Variants in DNAH8 observed in about 807,000 individuals in gnomAD.
The protein encoded by DNAH8 is axonemal beta dynein heavy chain 8.
DNAH8 carries 382 observed loss-of-function variants against 562.1 expected under a neutral mutation model. That is an observed-to-expected ratio of 0.68 (90% CI 0.63 to 0.74). The LOEUF (loss-of-function observed/expected upper bound fraction) is 0.74. Ranked by LOEUF, DNAH8 falls within the 30% of genes least tolerant of loss-of-function variation. The pLI, the probability that DNAH8 is intolerant of heterozygous loss-of-function variation, is 0.00. For synonymous variants in DNAH8, 1,881 were observed against 1,919.4 expected, an observed-to-expected ratio of 0.98 and a Z score of 0.52; for missense variants, 5,203 against 5,620.4, an observed-to-expected ratio of 0.93 and a Z score of 2.37.
chr6:38,871,619 T>C (rs578039504), intron 49 of DNAH8, among the ~76,000 whole-genome samples: 3 of 152,248 alleles, frequency 2.0e-5, no homozygotes, highest in African/African-American at 7.2e-5. Flanking sequence ...GTCAGACCTT[T>C]GACTTCTTAA....
intron 88 of DNAH8, among the ~76,000 whole-genome samples, chr6:38,991,725 A>T (rs1561951992): frequency 6.6e-6 from 1 of 152,000 alleles, no homozygotes; most frequent in Non-Finnish European, 1.5e-5. Flanking sequence ...GCTTCCTGTT[A>T]CTCAGACAGG....
At chr6:38,848,262 T>C (rs1678743) in intron 36 of DNAH8, among the ~76,000 whole-genome samples, 21,313 of 152,138 alleles carry the variant, frequency 0.14, 3,252 homozygotes, top group African/African-American at 0.37. Flanking sequence ...CCAGTAACAG[T>C]GTCTCACATG....
intron 85 of DNAH8, among the ~76,000 whole-genome samples, chr6:38,976,708 A>G (rs1361490926): frequency 6.6e-6 from 1 of 152,220 alleles, no homozygotes; most frequent in African/African-American, 2.4e-5. Flanking sequence ...TGTGGATTAG[A>G]TTGTTTGTGA....
At chr6:38,948,236 A>G (rs1246623391) in intron 80 of DNAH8, among the ~76,000 whole-genome samples, 1 of 152,216 alleles carries the variant, frequency 6.6e-6, no homozygotes, top group Non-Finnish European at 1.5e-5. Flanking sequence ...GTCATAGAGG[A>G]AAAAGTGTAA....
chr6:38,942,784 C>T (rs762664843), intron 79 of DNAH8, among the ~76,000 whole-genome samples: 6 of 152,190 alleles, frequency 3.9e-5, no homozygotes, highest in Non-Finnish European at 7.3e-5. Flanking sequence ...GGGCAGCCTG[C>T]ATACCTGAGG....
chr6:38,781,739 A>G (rs1182614787), intron 16 of DNAH8, among the ~76,000 whole-genome samples: 1 of 152,208 alleles, frequency 6.6e-6, no homozygotes, highest in African/African-American at 2.4e-5. Flanking sequence ...TCACTGATAC[A>G]TACTCAGTGA....
rs755930044 is a variant in DNAH8, at chr6:39,012,572, T to A, written c.13649T>A (p.Phe4550Tyr). The A allele has an allele frequency of 6.2e-7, 1 of 1,614,122 alleles. No individual in the cohort carries two copies. The highest frequency in any genetic ancestry group is 1.1e-5 in the South Asian group (1 of 91,082). The change falls in exon 91 of 93, where the codon TTT becomes TAT. Residue 4550 changes from phenylalanine (F) to tyrosine (Y), a missense_variant. By Grantham distance (22) the Phe-to-Tyr change is conservative (BLOSUM62 3). This residue lies in a region of DNAH8 where 1,399 missense variants were observed against 1,518.4 expected (regional missense o/e 0.92). Transcript: ENST00000327475. ...GAACTTTTGGAAAGAAATGCTCAGT[T>A]TTCTACGTGGATATTTGAAGGGAGG... ...FTELLERNAQ[F>Y]STWIFEGRPN...
intron 37 of DNAH8, 54 bp downstream of exon 37, chr6:38,848,855 A>G: frequency 1.3e-6 from 2 of 1,556,842 alleles, no homozygotes; most frequent in Non-Finnish European, 8.8e-7. Flanking sequence ...TGTTGTCTAT[A>G]TGTCTCTGTA....
chr6:38,918,698 A>G (rs1157695475), intron 70 of DNAH8, among the ~76,000 whole-genome samples: 1 of 152,170 alleles, frequency 6.6e-6, no homozygotes, highest in Non-Finnish European at 1.5e-5. Flanking sequence ...GCTGGGGTCC[A>G]AGCACTCCAT....
rs571667120 is a variant in DNAH8 at position 38,794,615 on chromosome 6, A to G, written c.2901+2941A>G. Among the ~76,000 whole-genome samples, 3 of 152,218 alleles carry G rather than the reference A, an allele frequency of 2.0e-5. No individual in the cohort carries two copies. The East Asian group carries it at 5.8e-4, about 29-fold the overall frequency. ...CATTTGACTTCTATCACTGTATATT[A>G]GTTTCGCCTGTTTTTGAACTTCATG... On this transcript the variant is annotated intron_variant, in intron 21 of 92. Transcript: ENST00000327475.
intron 70 of DNAH8, 35 bp from the exon 71 acceptor site, chr6:38,921,334 C>T (rs373870526): frequency 7.5e-6 from 12 of 1,596,938 alleles, no homozygotes; most frequent in Admixed American, 1.8e-5. Context: ...CTGTTTCATG[C>T]AGCTAATACA....
chr6:38,740,776 G>A (rs541946748), intron 7 of DNAH8, among the ~76,000 whole-genome samples: 2 of 151,942 alleles, frequency 1.3e-5, no homozygotes, highest in East Asian at 1.9e-4. Context: ...CACCACATCC[G>A]ACTAATTTAA....
chr6:38,848,908 G>C, intron 37 of DNAH8, 107 bp downstream of exon 37: 3 of 1,105,814 alleles, frequency 2.7e-6, no homozygotes, highest in Non-Finnish European at 3.9e-6. Context: ...GACTATGATG[G>C]GGTTTGGCAA....
At chr6:38,852,870 C>A in intron 40 of DNAH8, 72 bp downstream of exon 40, 2 of 1,214,250 alleles carry the variant, frequency 1.6e-6, no homozygotes, top group South Asian at 1.3e-5. Flanking sequence ...ATACAGTTCT[C>A]TTACAGAAAA....
chr6:38,722,758 C>A lies in DNAH8; in HGVS notation c.-34-18C>A. On this transcript the variant is annotated intron_variant, in intron 1 of 92. Coordinates refer to ENST00000327475, the MANE Select transcript of DNAH8 (RefSeq NM_001206927.2). ...TCAATTTACTGTAGTTTTAAACGAA[C>A]CTATGTTATAATTCTAGGTTTCGAA... The A allele has an allele frequency of 6.6e-7, 1 of 1,505,010 alleles. No homozygotes were observed. The highest frequency in any genetic ancestry group is 8.9e-7 in the Non-Finnish European group (1 of 1,127,396). The allele number at this position is 1,505,010 out of a possible 1,614,324, so 93.2% of individuals were successfully genotyped here. A position where few individuals can be genotyped will look rare whatever the true frequency, so the allele number is the denominator to read the frequency against.
In DNAH8 at chr6:38,901,401, A is replaced by C. The variant is rs536499375; in HGVS notation, c.9194+1495A>C. ...AGGAGTTGTGATTATTATTTTCAAT[A>C]TTGATATCCAGTTGATCCAGCTCCA... On this transcript the variant is annotated intron_variant, in intron 62 of 92. Transcript: ENST00000327475. 7.9e-5 allele frequency among the ~76,000 whole-genome samples: 12 copies of C among 152,214 alleles called. No homozygotes were observed. The South Asian group carries it at 2.5e-3, about 32-fold the overall frequency.
chr6:38,971,049 A>T (rs1763305155), intron 82 of DNAH8, among the ~76,000 whole-genome samples: 1 of 152,178 alleles, frequency 6.6e-6, no homozygotes, highest in African/African-American at 2.4e-5. Flanking sequence ...TGTACCCGTC[A>T]CAGGGCTGAA....
intron 45 of DNAH8, 128 bp downstream of exon 45, chr6:38,864,188 G>T: frequency 3.5e-6 from 3 of 846,468 alleles, no homozygotes; most frequent in South Asian, 1.9e-5. Context: ...CTTACCATAT[G>T]ATTTTTTTTA....
intron 39 of DNAH8, among the ~76,000 whole-genome samples, chr6:38,852,314 A>T (rs1775811930): frequency 6.6e-6 from 1 of 152,070 alleles, no homozygotes; most frequent in Admixed American, 6.5e-5. Context: ...TGTAACAATG[A>T]GAAAAGAGAA....
Sources: gnomAD v4.1 joint callset for allele counts (sites outside exome capture counted in the v4.1 genomes callset) on GRCh38, gnomAD v4.1.1 for gene constraint, gnomAD v4.1.1 regional missense constraint, MANE v1.5 for transcripts, NCBI Gene and HGNC (gene_info 2026-07-23, HGNC 2026-07-21) for gene names.